The following EED variants were observed in gnomAD, a reference collection of about 807,000 sequenced individuals.
The protein encoded by EED is embryonic ectoderm development, also known as polycomb protein EED.
Under a neutral mutation model 61.0 loss-of-function variants are expected in EED, and 9 were observed. The observed-to-expected ratio is 0.15, with a 90% CI of 0.09 to 0.26. The LOEUF is 0.26. Among genes scored for constraint, EED ranks in the 10% least tolerant of loss-of-function variants. EED has a pLI of 1.00. For missense variants in EED, 315 were observed against 542.3 expected (o/e 0.58, Z 4.16); for synonymous variants, 187 against 174.4 (o/e 1.07, Z -0.57).
chr11:86,276,007 C>T (rs1271941289), intron 9 of EED: 1 of 152,148 alleles, frequency 6.6e-6, no homozygotes, highest in Non-Finnish European at 1.5e-5. Context: ...GTAGGCTGTC[C>T]AGTAAAACTC....
downstream of EED, among the ~76,000 whole-genome samples, chr11:86,283,432 C>T (rs981435971): frequency 3.3e-5 from 5 of 152,204 alleles, no homozygotes; most frequent in South Asian, 4.1e-4. Context: ...TACTATACTG[C>T]GTAATTTGCT....
intron 9 of EED, among the ~76,000 whole-genome samples, chr11:86,268,836 A>T (rs1034381219): frequency 1.3e-5 from 2 of 152,166 alleles, no homozygotes; most frequent in African/African-American, 4.8e-5. Flanking sequence ...TCTGATAGTC[A>T]GTATTGTTAC....
chr11:86,257,429 A>G, intron 5 of EED, 86 bp from the exon 6 acceptor site: 2 of 1,083,174 alleles, frequency 1.8e-6, no homozygotes, highest in Non-Finnish European at 2.6e-6. Flanking sequence ...TTTAAGTGAA[A>G]CTATTTTTAC....
intron 7 of EED, chr11:86,265,308 T>C (rs1945947599): frequency 6.6e-6 from 1 of 152,190 alleles, no homozygotes; most frequent in South Asian, 2.1e-4. Context: ...AATATACTCC[T>C]TCAATAGAAC....
intron 7 of EED, 194 bp downstream of exon 7, chr11:86,264,457 T>TTTA (rs1945922877): frequency 2.2e-5 from 7 of 317,910 alleles, no homozygotes; most frequent in African/African-American, 1.2e-4. Context: ...TTATTTATTT[T>TTTA]TTAAATTACT....
chr11:86,273,023 C>A (rs1442290209), intron 9 of EED, among the ~76,000 whole-genome samples: 1 of 152,064 alleles, frequency 6.6e-6, no homozygotes, highest in Non-Finnish European at 1.5e-5. Context: ...CAGCATTTTA[C>A]AATATTTTTT....
Position 86,244,807 on chromosome 11 carries a change from A to C in EED, c.-423A>C, listed in dbSNP as rs1319320614. ...GGTCGGAGATCGAAGGAACGGGCCA[A>C]TTGCGGCTGAAACGTCTTTGGAAGG... is the stretch of plus-strand genomic sequence containing the variant. On this transcript the variant is annotated 5_prime_UTR_variant, in exon 1 of 12. Coordinates refer to ENST00000263360, the MANE Select transcript of EED (RefSeq NM_003797.5). 1 of 237,522 alleles carries C rather than the reference A, an allele frequency of 4.2e-6. No homozygotes were observed. Among genetic ancestry groups the C allele is most frequent in the East Asian group, 6.1e-5 (1 of 16,312 alleles). 14.7% of individuals were successfully genotyped at this position (237,522 alleles called of 1,614,324 possible).
intron 9 of EED, among the ~76,000 whole-genome samples, chr11:86,271,894 T>G (rs1444645099): frequency 6.6e-6 from 1 of 150,628 alleles, no homozygotes; most frequent in Non-Finnish European, 1.5e-5. Context: ...TAATATTTTG[T>G]TAAGGATTTT....
At chr11:86,269,023 G>C (rs1946049930) in intron 9 of EED, among the ~76,000 whole-genome samples, 1 of 152,078 alleles carries the variant, frequency 6.6e-6, no homozygotes, top group Non-Finnish European at 1.5e-5. Context: ...CTTATGATGG[G>C]ATTACATCGT....
At chr11:86,272,105 T>C (rs1946127074) in intron 9 of EED, among the ~76,000 whole-genome samples, 1 of 118,200 alleles carries the variant, frequency 8.5e-6, no homozygotes, top group South Asian at 3.3e-4. Context: ...TCGCCCAGGC[T>C]GGAGTGCAAT....
chr11:86,255,325 G>A, intron 4 of EED, 38 bp downstream of exon 4: 1 of 1,518,520 alleles, frequency 6.6e-7, no homozygotes, highest in Non-Finnish European at 9.0e-7. Context: ...TTAGTCAAAG[G>A]AATTTATTTT....
At chr11:86,257,708 A>G in intron 6 of EED, 112 bp downstream of exon 6, 1 of 741,240 alleles carries the variant, frequency 1.3e-6, no homozygotes, top group Non-Finnish European at 2.1e-6. Context: ...GAGAGTCCAC[A>G]TGCTTGTATG....
chr11:86,246,437 C>T (rs1236644879), intron 1 of EED, among the ~76,000 whole-genome samples: 2 of 152,178 alleles, frequency 1.3e-5, no homozygotes, highest in Non-Finnish European at 2.9e-5. Flanking sequence ...ATCTTCTACA[C>T]GCAGTTTCTA....
At chr11:86,253,523 A>C (rs996283347) in intron 3 of EED, among the ~76,000 whole-genome samples, 1 of 152,238 alleles carries the variant, frequency 6.6e-6, no homozygotes, top group African/African-American at 2.4e-5. Context: ...TAGTTTATTG[A>C]ATTATAAAAA....
intron 1 of EED, 120 bp from the exon 2 acceptor site, chr11:86,250,176 T>C: frequency 1.1e-6 from 1 of 933,422 alleles, no homozygotes; most frequent in Non-Finnish European, 1.5e-6. Context: ...CAAGAATACA[T>C]TTTTTTCTTC....
intron 8 of EED, among the ~76,000 whole-genome samples, chr11:86,267,583 C>T (rs1029383365): frequency 6.6e-6 from 1 of 151,864 alleles, no homozygotes; most frequent in Admixed American, 6.6e-5. Flanking sequence ...TTGGAAAAGT[C>T]CTAGGAAATT....
intron 9 of EED, 88 bp downstream of exon 9, chr11:86,268,649 T>C: frequency 1.2e-6 from 1 of 808,120 alleles, no homozygotes; most frequent in Non-Finnish European, 1.8e-6. Context: ...ATGTTGGAAC[T>C]TGGCAGGGAG....
chr11:86,287,319 C>T, the EED span, among the ~76,000 whole-genome samples: 2 of 152,134 alleles, frequency 1.3e-5, no homozygotes, highest in African/African-American at 4.8e-5. Flanking sequence ...CTGTAACTTC[C>T]CCTGCTTTCA....
intron 3 of EED, among the ~76,000 whole-genome samples, chr11:86,254,048 CAAAAAAAAAAAAAA>C (rs201298345): frequency 1.4e-4 from 8 of 56,316 alleles, no homozygotes; most frequent in Admixed American, 2.9e-4. Flanking sequence ...AACTCTGTCT[CAAAAAAAAAAAAAA>C]AAAAAAAAAA....
Sources: allele counts gnomAD v4.1 joint callset (sites outside exome capture counted in the v4.1 genomes callset), GRCh38; gene constraint gnomAD v4.1.1; transcripts MANE v1.5; gene names NCBI Gene and HGNC (gene_info 2026-07-23, HGNC 2026-07-21).